Variants in SRD5A2 observed in about 807,000 individuals in gnomAD.
The protein encoded by SRD5A2 is steroid 5 alpha-reductase 2, also known as 3-oxo-5-alpha-steroid 4-dehydrogenase 2.
SRD5A2 carries 30 observed loss-of-function variants against 27.4 expected under a neutral mutation model. The ratio of observed to expected loss-of-function variants is 1.10; its 90% CI spans 0.82 to 1.49. The LOEUF (loss-of-function observed/expected upper bound fraction) is 1.49. SRD5A2 is among the 40% of genes most tolerant of loss of function. The pLI is 0.00. For missense variants in SRD5A2, 348 were observed against 323.4 expected (o/e 1.08, Z -0.58); for synonymous variants, 141 against 133.6 (o/e 1.06, Z -0.38).
At chr2:31,575,121 C>CT (rs1220212250) in intron 1 of SRD5A2, among the ~76,000 whole-genome samples, 137 of 151,616 alleles carry the variant, frequency 9.0e-4, no homozygotes, top group African/African-American at 3.0e-3. Context: ...CTTGCTTGGG[C>CT]TTTTTTTTTC....
chr2:31,634,880 G>A, the SRD5A2 span, among the ~76,000 whole-genome samples: 1 of 152,140 alleles, frequency 6.6e-6, no homozygotes, highest in African/African-American at 2.4e-5. Flanking sequence ...CTTTTTTATG[G>A]TTGAATAATA....
At chr2:31,529,627 A>T (rs1347718479) in intron 3 of SRD5A2, among the ~76,000 whole-genome samples, 170 bp from the exon 4 acceptor site, 1 of 152,218 alleles carries the variant, frequency 6.6e-6, no homozygotes, top group East Asian at 1.9e-4. Context: ...AAGGGGAAAC[A>T]AAGCAACAAC....
At chr2:31,581,227 G>C (rs1667077232), upstream of SRD5A2, among the ~76,000 whole-genome samples, 2 of 152,126 alleles carry the variant, frequency 1.3e-5, no homozygotes, top group South Asian at 4.1e-4. Flanking sequence ...CATACTTCTG[G>C]AACTAAGACA....
At chr2:31,559,199 A>T (rs1666563868) in intron 1 of SRD5A2, among the ~76,000 whole-genome samples, 1 of 152,160 alleles carries the variant, frequency 6.6e-6, no homozygotes, top group South Asian at 2.1e-4. Context: ...CAGGCTGCAA[A>T]TGTTGCCACT....
intron 1 of SRD5A2, among the ~76,000 whole-genome samples, chr2:31,577,161 TTAA>T (rs1666974929): frequency 1.3e-4 from 1 of 7,976 alleles, no homozygotes; most frequent in African/African-American, 6.0e-4. Flanking sequence ...AAAAAAAACA[TTAA>T]AAAAAAAAAA....
At chr2:31,593,426 T>C in the SRD5A2 span, among the ~76,000 whole-genome samples, 1 of 151,188 alleles carries the variant, frequency 6.6e-6, no homozygotes, top group Non-Finnish European at 1.5e-5. Flanking sequence ...CTCAAACAAG[T>C]GGAAAAAAGA....
intron 1 of SRD5A2, among the ~76,000 whole-genome samples, chr2:31,534,385 C>A (rs182092254): frequency 2.6e-5 from 4 of 152,256 alleles, no homozygotes; most frequent in African/African-American, 9.6e-5. Context: ...TGTGGGGTTT[C>A]TTCAAGCCAT....
chr2:31,557,747 G>A (rs1392511968), intron 1 of SRD5A2, among the ~76,000 whole-genome samples: 1 of 152,184 alleles, frequency 6.6e-6, no homozygotes, highest in Non-Finnish European at 1.5e-5. Context: ...GGGGGCTCTT[G>A]ATTTTGCAAT....
chr2:31,548,122 GA>G (rs1433477181), intron 1 of SRD5A2, among the ~76,000 whole-genome samples: 1 of 151,724 alleles, frequency 6.6e-6, no homozygotes, highest in Non-Finnish European at 1.5e-5. Context: ...CTAAATATAA[GA>G]AAAAAACTAT....
intron 1 of SRD5A2, among the ~76,000 whole-genome samples, chr2:31,544,639 T>A (rs533772514): frequency 6.6e-6 from 1 of 151,700 alleles, no homozygotes; most frequent in Non-Finnish European, 1.5e-5. Flanking sequence ...CTTTACAACT[T>A]AAGGAGCTAG....
At chr2:31,651,572 A>G in the SRD5A2 span, 72 of 166,162 alleles carry the variant, frequency 4.3e-4, no homozygotes, top group Non-Finnish European at 6.2e-4. Flanking sequence ...TTGCTAAGAC[A>G]AGATCTAGGA....
intron 2 of SRD5A2, among the ~76,000 whole-genome samples, chr2:31,532,884 G>C (rs955596064): frequency 6.6e-5 from 10 of 152,098 alleles, no homozygotes; most frequent in African/African-American, 2.4e-4. Context: ...TCCCTTTGAG[G>C]AGGTGCAAAT....
intron 2 of SRD5A2, among the ~76,000 whole-genome samples, chr2:31,531,836 T>C (rs1007470401): frequency 6.6e-6 from 1 of 152,250 alleles, no homozygotes; most frequent in Admixed American, 6.5e-5. Context: ...CGAGGTTTCA[T>C]ATCTCAACAG....
chr2:31,655,037 T>C, the SRD5A2 span, among the ~76,000 whole-genome samples: 1 of 152,216 alleles, frequency 6.6e-6, no homozygotes, highest in South Asian at 2.1e-4. Context: ...GTTATGTTCA[T>C]AATAAAGTTG....
At chr2:31,534,500 G>C (rs762146185) in intron 1 of SRD5A2, among the ~76,000 whole-genome samples, 3 of 152,194 alleles carry the variant, frequency 2.0e-5, no homozygotes, top group Non-Finnish European at 4.4e-5. Flanking sequence ...AAACAGGGCA[G>C]ATAATCCTAT....
the SRD5A2 span, among the ~76,000 whole-genome samples, chr2:31,645,963 G>A: frequency 6.6e-6 from 1 of 152,102 alleles, no homozygotes; most frequent in South Asian, 2.1e-4. Context: ...TCTTGAGGCC[G>A]TGTCTATCCC....
upstream of SRD5A2, among the ~76,000 whole-genome samples, chr2:31,583,652 C>CAAAAAAAAAAAAAGAAAAAAAAAAAAAA (rs1352139998): frequency 2.4e-4 from 5 of 20,922 alleles, no homozygotes; most frequent in African/African-American, 6.7e-4. Flanking sequence ...AAAAAAAAAC[C>CAAAAAAAAAAAAAGAAAAAAAAAAAAAA]AAAAAAAAAG....
chr2:31,614,515 A>T, the SRD5A2 span, among the ~76,000 whole-genome samples: 4 of 152,124 alleles, frequency 2.6e-5, no homozygotes, highest in East Asian at 7.7e-4. Context: ...TTCCAGGTAC[A>T]CAGGCAAGCT....
At chr2:31,594,404 C>G in the SRD5A2 span, among the ~76,000 whole-genome samples, 3 of 152,080 alleles carry the variant, frequency 2.0e-5, no homozygotes, top group South Asian at 6.2e-4. Flanking sequence ...ATTAGCTATT[C>G]TTATATCAGA....
Sources: gnomAD v4.1 joint callset for allele counts (sites outside exome capture counted in the v4.1 genomes callset) on GRCh38, gnomAD v4.1.1 for gene constraint, MANE v1.5 for transcripts, NCBI Gene and HGNC (gene_info 2026-07-23, HGNC 2026-07-21) for gene names.